MYO5A: variants seen among roughly 807,000 people sequenced by gnomAD.
MYO5A encodes unconventional myosin-Va.
Under a neutral mutation model 249.7 loss-of-function variants are expected in MYO5A, and 98 were observed. The ratio of observed to expected loss-of-function variants is 0.39; its 90% confidence interval spans 0.33 to 0.46. MYO5A has a LOEUF of 0.46. Ranked by LOEUF, MYO5A falls within the 20% of genes least tolerant of loss-of-function variation. The pLI, the probability that MYO5A is intolerant of heterozygous loss-of-function variation, is 0.98. For synonymous variants in MYO5A, 778 were observed against 810.6 expected, an observed-to-expected ratio of 0.96 and a Z score of 0.68; for missense variants, 1,696 against 2,308.8, an observed-to-expected ratio of 0.73 and a Z score of 5.44.
intron 1 of MYO5A, among the ~76,000 whole-genome samples, chr15:52,455,179 A>T (rs766656559): frequency 2.1e-4 from 32 of 152,076 alleles, no homozygotes; most frequent in Non-Finnish European, 4.3e-4. Flanking sequence ...GAGACATTAT[A>T]AAGTACTATA....
chr15:52,434,920 T>A (rs1337264227), intron 1 of MYO5A, among the ~76,000 whole-genome samples: 2 of 152,222 alleles, frequency 1.3e-5, no homozygotes, highest in Non-Finnish European at 2.9e-5. Context: ...TCATGTAAAT[T>A]CACCTCTAGA....
At chr15:52,351,509 T>C (rs770258288) in intron 27 of MYO5A, 28 bp from the exon 28 acceptor site, 54 of 1,596,198 alleles carry the variant, frequency 3.4e-5, no homozygotes, top group Non-Finnish European at 4.0e-5. Flanking sequence ...GAAAAGTTCA[T>C]TGCTGTCATC....
At chr15:52,423,551 TAAA>T (rs372778294) in intron 4 of MYO5A, among the ~76,000 whole-genome samples, 2 of 77,926 alleles carry the variant, frequency 2.6e-5, no homozygotes, top group Admixed American at 1.3e-4. Flanking sequence ...GACTCCGTCT[TAAA>T]AAAAAAAAAA....
At chr15:52,528,707 C>A (rs1693513) in intron 1 of MYO5A, 73 bp downstream of exon 1, 1 of 1,456,398 alleles carries the variant, frequency 6.9e-7, no homozygotes, top group Non-Finnish European at 9.0e-7. Context: ...GCTCCCGCCC[C>A]CTCCCCAGCC....
intron 4 of MYO5A, among the ~76,000 whole-genome samples, chr15:52,421,548 TA>T (rs1403793092): frequency 6.6e-6 from 1 of 152,176 alleles, no homozygotes; most frequent in African/African-American, 2.4e-5. Context: ...ACCAAGAGGT[TA>T]AAAGGCTTGT....
At position 52,428,441 on chromosome 15, in the gene MYO5A, G is replaced by C; in HGVS notation, c.267C>G (p.Leu89=). The change falls in exon 3 of 42, where the codon CTC becomes CTG. Residue 89 remains leucine (L), a synonymous_variant. Transcript: ENST00000399233. ...YLHEPAVLHN[L]RVRFIDSKLI... ...GTTTGGAATCAATAAAGCGGACTCT[G>C]AGATTATGGAGCACAGCAGGCTCAT... 1 of 1,614,198 alleles carries C rather than the reference G, an allele frequency of 6.2e-7. No individual in the cohort carries two copies. The highest frequency in any genetic ancestry group is 8.5e-7 in the Non-Finnish European group (1 of 1,180,020).
chr15:52,528,638 G>A (rs1050835288), intron 1 of MYO5A, 142 bp downstream of exon 1: 1 of 973,308 alleles, frequency 1.0e-6, no homozygotes, highest in Non-Finnish European at 1.4e-6. Context: ...CGGCTGGTAG[G>A]GCCGAGGGTT....
intron 16 of MYO5A, among the ~76,000 whole-genome samples, chr15:52,381,013 T>C (rs1180474864): frequency 1.3e-5 from 2 of 152,342 alleles, no homozygotes; most frequent in South Asian, 2.1e-4. Flanking sequence ...AGATTTTTGT[T>C]TTGTATTACA....
intron 1 of MYO5A, chr15:52,438,019 CTAT>C: frequency 4.1e-6 from 4 of 984,614 alleles, no homozygotes; most frequent in Non-Finnish European, 4.8e-6. Flanking sequence ...AGAAACCATT[CTAT>C]TATTACCATT....
At chr15:52,467,070 T>A (rs985178163) in intron 1 of MYO5A, among the ~76,000 whole-genome samples, 1 of 152,182 alleles carries the variant, frequency 6.6e-6, no homozygotes, top group African/African-American at 2.4e-5. Flanking sequence ...CCAATCAGCA[T>A]CATAGTCACA....
chr15:52,435,723 T>C (rs931560675), intron 1 of MYO5A: 3 of 440,772 alleles, frequency 6.8e-6, no homozygotes, highest in Non-Finnish European at 1.3e-5. Context: ...GGTTATTAAC[T>C]AACTTTTAGT....
intron 4 of MYO5A, among the ~76,000 whole-genome samples, chr15:52,417,276 G>A (rs759526458): frequency 1.3e-5 from 2 of 152,088 alleles, no homozygotes; most frequent in African/African-American, 2.4e-5. Context: ...TTACAGTACT[G>A]TTGTCAACCA....
At chr15:52,321,324 G>T (rs1449109297) in intron 38 of MYO5A, 35 bp downstream of exon 38, 4 of 1,613,524 alleles carry the variant, frequency 2.5e-6, no homozygotes, top group Non-Finnish European at 3.4e-6. Flanking sequence ...TGAATGATAG[G>T]CAGGCTGCAA....
At chr15:52,331,471 C>T (rs1199626112) in intron 34 of MYO5A, among the ~76,000 whole-genome samples, 1 of 152,172 alleles carries the variant, frequency 6.6e-6, no homozygotes, top group Non-Finnish European at 1.5e-5. Context: ...ATCCTTTTAT[C>T]TACAGGGAGG....
chr15:52,352,615 A>C (rs924872752), intron 27 of MYO5A, among the ~76,000 whole-genome samples: 1 of 152,048 alleles, frequency 6.6e-6, no homozygotes, highest in Non-Finnish European at 1.5e-5. Context: ...CCCCGTCTCT[A>C]CTAAAAAAAT....
intron 1 of MYO5A, among the ~76,000 whole-genome samples, chr15:52,456,219 C>G (rs1724583): frequency 6.6e-6 from 1 of 151,948 alleles, no homozygotes; most frequent in Non-Finnish European, 1.5e-5. Flanking sequence ...ACAACTGCTA[C>G]AAATAATATA....
At chr15:52,526,787 C>G (rs935285922) in intron 1 of MYO5A, among the ~76,000 whole-genome samples, 5 of 152,236 alleles carry the variant, frequency 3.3e-5, no homozygotes, top group Admixed American at 6.5e-5. Flanking sequence ...ATCACAACAT[C>G]TTTTCAATTT....
intron 1 of MYO5A, among the ~76,000 whole-genome samples, chr15:52,434,857 G>A (rs2075627159): frequency 6.6e-6 from 1 of 152,158 alleles, no homozygotes; most frequent in South Asian, 2.1e-4. Context: ...ATCAATCATG[G>A]CTGGCATGGG....
At chr15:52,314,298 A>ATCC in intron 40 of MYO5A, 95 bp from the exon 41 acceptor site, 3 of 917,884 alleles carry the variant, frequency 3.3e-6, no homozygotes, top group Non-Finnish European at 5.3e-6. Flanking sequence ...GTGCGTACAG[A>ATCC]TTTCAGTTCT....
Sources: gnomAD v4.1 joint callset for allele counts (sites outside exome capture counted in the v4.1 genomes callset) on GRCh38, gnomAD v4.1.1 for gene constraint, MANE v1.5 for transcripts, NCBI Gene and HGNC (gene_info 2026-07-23, HGNC 2026-07-21) for gene names.